Variants in ARHGAP15 observed in about 807,000 individuals in gnomAD.
ARHGAP15 encodes the protein rho GTPase-activating protein 15.
In ARHGAP15, 51 loss-of-function variants were observed where a neutral mutation model predicts 63.7. The observed-to-expected ratio is 0.80, with a 90% CI of 0.64 to 1.01. The LOEUF (loss-of-function observed/expected upper bound fraction) is 1.01, where lower values mean the gene tolerates loss of function less well. ARHGAP15 is among the 50% of genes least tolerant of loss of function. The pLI is 0.00. For missense variants in ARHGAP15, 560 were observed against 564.6 expected (o/e 0.99, Z 0.08); for synonymous variants, 191 against 193.8 (o/e 0.99, Z 0.12).
At chr2:143,520,006 T>C (rs1693993266) in intron 10 of ARHGAP15, among the ~76,000 whole-genome samples, 1 of 152,214 alleles carries the variant, frequency 6.6e-6, no homozygotes, top group Non-Finnish European at 1.5e-5. Context: ...CTTCAAACTA[T>C]GACTTCATTC....
intron 11 of ARHGAP15, among the ~76,000 whole-genome samples, chr2:143,622,791 A>T (rs940087615): frequency 6.6e-6 from 1 of 151,006 alleles, no homozygotes; most frequent in African/African-American, 2.4e-5. Context: ...TAAAAAAAAA[A>T]AAAAAAAAAA....
At chr2:143,674,215 T>G (rs1310381451) in intron 12 of ARHGAP15, among the ~76,000 whole-genome samples, 1 of 152,100 alleles carries the variant, frequency 6.6e-6, no homozygotes, top group Non-Finnish European at 1.5e-5. Flanking sequence ...CAAGCTTTTT[T>G]CCTCATAGCC....
At chr2:143,675,673 G>A (rs1682789880) in intron 12 of ARHGAP15, among the ~76,000 whole-genome samples, 1 of 152,166 alleles carries the variant, frequency 6.6e-6, no homozygotes, top group African/African-American at 2.4e-5. Flanking sequence ...TCAACAGAGG[G>A]CTTCAACATT....
chr2:143,413,966 T>TGTGTGTGTGTGTGTGTGCGCGC, intron 6 of ARHGAP15, among the ~76,000 whole-genome samples: 3 of 117,924 alleles, frequency 2.5e-5, no homozygotes, highest in African/African-American at 1.1e-4. Flanking sequence ...TGTGTGTGTG[T>TGTGTGTGTGTGTGTGTGCGCGC]GCGCGCTCTC....
At chr2:143,253,691 G>T (rs1349061815) in intron 6 of ARHGAP15, among the ~76,000 whole-genome samples, 3 of 139,072 alleles carry the variant, frequency 2.2e-5, no homozygotes, top group Non-Finnish European at 4.7e-5. Context: ...TGTATTAGAT[G>T]TTATAATTTA....
chr2:143,396,455 G>A (rs1452827226), intron 6 of ARHGAP15, among the ~76,000 whole-genome samples: 1 of 151,936 alleles, frequency 6.6e-6, no homozygotes, highest in African/African-American at 2.4e-5. Flanking sequence ...GTTTTAATAA[G>A]CAATGAGTCC....
At chr2:143,605,098 G>A (rs904909331) in intron 11 of ARHGAP15, among the ~76,000 whole-genome samples, 40 of 152,068 alleles carry the variant, frequency 2.6e-4, no homozygotes, top group Middle Eastern at 6.8e-3. Context: ...TAGTAGAGAC[G>A]GGATTTTACC....
chr2:143,415,902 C>T (rs569533702), intron 6 of ARHGAP15, among the ~76,000 whole-genome samples: 8 of 152,062 alleles, frequency 5.3e-5, no homozygotes, highest in Non-Finnish European at 8.8e-5. Flanking sequence ...TATGTTCTCA[C>T]TCATAAGTGG....
At chr2:143,378,602 G>T (rs1466077181) in intron 6 of ARHGAP15, among the ~76,000 whole-genome samples, 1 of 152,022 alleles carries the variant, frequency 6.6e-6, no homozygotes, top group Non-Finnish European at 1.5e-5. Context: ...TCACTCAAGA[G>T]TATCATTTTA....
intron 13 of ARHGAP15, among the ~76,000 whole-genome samples, chr2:143,735,415 A>C (rs181299740): frequency 4.6e-4 from 70 of 152,276 alleles, no homozygotes; most frequent in Admixed American, 9.2e-4. Flanking sequence ...TCCATTTCTA[A>C]ACTCTGCTTG....
chr2:143,446,672 C>G (rs1690154722), intron 8 of ARHGAP15, among the ~76,000 whole-genome samples: 1 of 151,626 alleles, frequency 6.6e-6, no homozygotes, highest in Non-Finnish European at 1.5e-5. Flanking sequence ...TACATGTGCA[C>G]AATGTGCAGG....
chr2:143,554,322 G>A (rs1695697534), intron 10 of ARHGAP15, among the ~76,000 whole-genome samples: 1 of 152,112 alleles, frequency 6.6e-6, no homozygotes, highest in South Asian at 2.1e-4. Flanking sequence ...GTGGTGGCAA[G>A]CATCAAGGTG....
At chr2:143,266,205 C>T (rs1680984557) in intron 6 of ARHGAP15, among the ~76,000 whole-genome samples, 1 of 152,018 alleles carries the variant, frequency 6.6e-6, no homozygotes, top group South Asian at 2.1e-4. Context: ...GTCCTTTGTT[C>T]CACAGTTACT....
intron 1 of ARHGAP15, among the ~76,000 whole-genome samples, chr2:143,144,828 C>A (rs894961589): frequency 2.6e-5 from 4 of 151,980 alleles, no homozygotes; most frequent in African/African-American, 7.2e-5. Context: ...ATGAAGATAG[C>A]AGCAATGGGC....
chr2:143,678,985 G>A (rs1204906813), intron 12 of ARHGAP15, among the ~76,000 whole-genome samples: 2 of 151,976 alleles, frequency 1.3e-5, no homozygotes, highest in Non-Finnish European at 2.9e-5. Context: ...TGTCTCTTAT[G>A]CCACCAATAA....
intron 1 of ARHGAP15, among the ~76,000 whole-genome samples, chr2:143,139,829 G>GA (rs1488061964): frequency 6.6e-6 from 1 of 152,098 alleles, no homozygotes; most frequent in Non-Finnish European, 1.5e-5. Context: ...TGGGAAGTCA[G>GA]AAAAAATAAA....
chr2:143,250,373 T>C, intron 5 of ARHGAP15, 138 bp from the exon 6 acceptor site: 6 of 509,786 alleles, frequency 1.2e-5, no homozygotes, highest in Non-Finnish European at 2.0e-5. Flanking sequence ...TTCCTACAAA[T>C]TAGGTTTCCC....
At chr2:143,432,719 A>G (rs1234299766) in intron 6 of ARHGAP15, among the ~76,000 whole-genome samples, 2 of 152,052 alleles carry the variant, frequency 1.3e-5, no homozygotes, top group African/African-American at 2.4e-5. Context: ...GTTCAAGACA[A>G]ATTTCCCCAG....
At chr2:143,218,339 G>A (rs1692850876) in intron 4 of ARHGAP15, among the ~76,000 whole-genome samples, 1 of 129,640 alleles carries the variant, frequency 7.7e-6, no homozygotes, top group African/African-American at 3.0e-5. Flanking sequence ...ACAGAATTGA[G>A]CTGATTATAT....
Sources: gnomAD v4.1 joint callset for allele counts (sites outside exome capture counted in the v4.1 genomes callset) on GRCh38, gnomAD v4.1.1 for gene constraint, MANE v1.5 for transcripts, NCBI Gene and HGNC (gene_info 2026-07-23, HGNC 2026-07-21) for gene names.